OTUD7A: variants seen among roughly 807,000 people sequenced by gnomAD.
OTUD7A encodes OTU deubiquitinase 7A.
A neutral mutation model predicts 65.7 loss-of-function variants in OTUD7A; 12 were observed. The ratio of observed to expected loss-of-function variants is 0.18; its 90% CI spans 0.12 to 0.30. The LOEUF (loss-of-function observed/expected upper bound fraction) is 0.30. OTUD7A is among the 10% of genes least tolerant of loss of function. The pLI is 1.00. For synonymous variants in OTUD7A, 641 were observed against 586.3 expected (o/e 1.09, Z -1.35); for missense variants, 1,148 against 1,304.8 (o/e 0.88, Z 1.85).
At chr15:31,579,648 T>A (rs986407369) in intron 3 of OTUD7A, among the ~76,000 whole-genome samples, 1 of 152,310 alleles carries the variant, frequency 6.6e-6, no homozygotes, top group African/African-American at 2.4e-5. Flanking sequence ...AACTGAAACC[T>A]TTAAAAGTGA....
In OTUD7A at chr15:31,784,857, G is replaced by T. The variant is rs73380509; in HGVS notation, c.-100+85650C>A. On this transcript the variant is annotated intron_variant, in intron 1 of 12. Coordinates refer to ENST00000307050, the MANE Select transcript of OTUD7A (RefSeq NM_001382637.1). The stretch of plus-strand genomic sequence containing the variant: ...GGTGAGGAATGGCACAGTGAAGGTA[G>T]ATGATTCTCCTGAGTGTTTTATTGA... 6.9e-3 allele frequency among the ~76,000 whole-genome samples: 1,045 copies of T among 152,298 alleles called. 14 individuals are homozygous for T. Among genetic ancestry groups the T allele is most frequent in the African/African-American group, 0.024 (990 of 41,536 alleles).
intron 1 of OTUD7A, among the ~76,000 whole-genome samples, chr15:31,741,111 T>C (rs1195847991): frequency 2.0e-5 from 3 of 152,160 alleles, no homozygotes; most frequent in Non-Finnish European, 2.9e-5. Flanking sequence ...AGCCATAAAA[T>C]GCATCATAAA....
At chr15:31,776,705 G>A (rs180867094) in intron 1 of OTUD7A, among the ~76,000 whole-genome samples, 27 of 152,294 alleles carry the variant, frequency 1.8e-4, no homozygotes, top group African/African-American at 6.3e-4. Context: ...GCAGTGTACT[G>A]TGACTGCCAG....
intron 1 of OTUD7A, among the ~76,000 whole-genome samples, chr15:31,858,189 C>A (rs1897626924): frequency 6.6e-6 from 1 of 152,090 alleles, no homozygotes; most frequent in African/African-American, 2.4e-5. Flanking sequence ...CCTCTTGGAG[C>A]AGGGAGAGAG....
At chr15:31,622,584 G>A (rs532157535) in intron 3 of OTUD7A, among the ~76,000 whole-genome samples, 4 of 152,270 alleles carry the variant, frequency 2.6e-5, no homozygotes, top group South Asian at 2.1e-4. Flanking sequence ...CATTCGTCGC[G>A]TAGTTCTCAT....
intron 1 of OTUD7A, among the ~76,000 whole-genome samples, chr15:31,712,341 A>G (rs190933640): frequency 4.0e-5 from 6 of 149,754 alleles, no homozygotes; most frequent in Admixed American, 1.3e-4. Flanking sequence ...GGACTGCTTC[A>G]TGTCCTGTCT....
At chr15:31,818,145 T>TG (rs1262469280) in intron 1 of OTUD7A, among the ~76,000 whole-genome samples, 1 of 152,220 alleles carries the variant, frequency 6.6e-6, no homozygotes, top group Non-Finnish European at 1.5e-5. Flanking sequence ...GCCTTGAAAC[T>TG]GGACTTCTCG....
intron 3 of OTUD7A, among the ~76,000 whole-genome samples, chr15:31,583,947 G>A (rs958575683): frequency 6.6e-6 from 1 of 152,128 alleles, no homozygotes; most frequent in Non-Finnish European, 1.5e-5. Flanking sequence ...TTAAGCAAAT[G>A]TTGATGGATA....
chr15:31,777,021 C>A (rs1442105491), intron 1 of OTUD7A, among the ~76,000 whole-genome samples: 1 of 152,140 alleles, frequency 6.6e-6, no homozygotes. Context: ...GGCCACCTGC[C>A]CCCTAGCTCA....
At chr15:31,746,972 G>A (rs1185000388) in intron 1 of OTUD7A, among the ~76,000 whole-genome samples, 1 of 152,120 alleles carries the variant, frequency 6.6e-6, no homozygotes, top group Non-Finnish European at 1.5e-5. Flanking sequence ...GTCAGAATCT[G>A]TTCAATTGCA....
chr15:31,789,579 T>C (rs12908870), intron 1 of OTUD7A, among the ~76,000 whole-genome samples: 11,788 of 152,206 alleles, frequency 0.077, 1,089 homozygotes, highest in African/African-American at 0.23. Context: ...AGTCTGGGCA[T>C]CTTCACTCAT....
At chr15:31,567,243 G>T (rs1888904126) in intron 4 of OTUD7A, among the ~76,000 whole-genome samples, 1 of 152,200 alleles carries the variant, frequency 6.6e-6, no homozygotes, top group Non-Finnish European at 1.5e-5. Flanking sequence ...ATTGGGGACT[G>T]GAGCAAATGG....
At chr15:31,530,355 T>G (rs2042070311) in intron 6 of OTUD7A, among the ~76,000 whole-genome samples, 1 of 152,232 alleles carries the variant, frequency 6.6e-6, no homozygotes, top group Non-Finnish European at 1.5e-5. Flanking sequence ...AATGCCCTCT[T>G]CTAGTCTCTC....
At chr15:31,632,322 CT>C (rs1349131425) in intron 3 of OTUD7A, among the ~76,000 whole-genome samples, 1 of 152,220 alleles carries the variant, frequency 6.6e-6, no homozygotes, top group African/African-American at 2.4e-5. Flanking sequence ...GGACCCTCAG[CT>C]GCAGGTCTGT....
chr15:31,745,203 A>G (rs1012374238), intron 1 of OTUD7A, among the ~76,000 whole-genome samples: 2 of 152,160 alleles, frequency 1.3e-5, no homozygotes, highest in Non-Finnish European at 2.9e-5. Context: ...AAATTATTCA[A>G]AATTTTAAAT....
chr15:31,738,660 GCTCCTCT>G (rs1373072826), intron 1 of OTUD7A, among the ~76,000 whole-genome samples: 1 of 152,188 alleles, frequency 6.6e-6, no homozygotes, highest in Non-Finnish European at 1.5e-5. Context: ...TGCACACGCT[GCTCCTCT>G]GCAGCTCTCT....
intron 3 of OTUD7A, among the ~76,000 whole-genome samples, chr15:31,605,918 A>G (rs1346540640): frequency 6.6e-6 from 1 of 152,198 alleles, no homozygotes; most frequent in Non-Finnish European, 1.5e-5. Flanking sequence ...TAACCAGTGA[A>G]CCATTTCTGC....
chr15:31,632,546 T>C (rs1246452442), intron 3 of OTUD7A, among the ~76,000 whole-genome samples: 1 of 152,224 alleles, frequency 6.6e-6, no homozygotes, highest in Non-Finnish European at 1.5e-5. Flanking sequence ...TGGGGGTGCC[T>C]CCCAGTTAGG....
intron 1 of OTUD7A, among the ~76,000 whole-genome samples, chr15:31,662,157 C>A (rs1892182648): frequency 6.6e-6 from 1 of 152,198 alleles, no homozygotes; most frequent in African/African-American, 2.4e-5. Flanking sequence ...TTGCCTAGAC[C>A]CAGCAATTCA....
Sources: allele counts gnomAD v4.1 joint callset (sites outside exome capture counted in the v4.1 genomes callset), GRCh38; gene constraint gnomAD v4.1.1; transcripts MANE v1.5; gene names NCBI Gene and HGNC (gene_info 2026-07-23, HGNC 2026-07-21).